Variants in PPP4R3B observed in about 807,000 individuals in gnomAD.
PPP4R3B encodes protein phosphatase 4 regulatory subunit 3B, also known as serine/threonine-protein phosphatase 4 regulatory subunit 3B.
A neutral mutation model predicts 95.4 loss-of-function variants in PPP4R3B; 52 were observed. That is an observed-to-expected ratio of 0.54 (90% confidence interval 0.44 to 0.69). The LOEUF is 0.69. Among genes scored for constraint, PPP4R3B ranks in the 30% least tolerant of loss-of-function variants. The pLI, the probability that PPP4R3B is intolerant of heterozygous loss-of-function variation, is 0.00. For synonymous variants in PPP4R3B, 407 were observed against 343.9 expected (o/e 1.18, Z -2.03); for missense variants, 1,003 against 1,005.9 (o/e 1.00, Z 0.04).
chr2:55,615,551 C>A (rs764143733), intron 1 of PPP4R3B, 45 bp from the exon 2 acceptor site: 5 of 1,384,002 alleles, frequency 3.6e-6, no homozygotes, highest in Non-Finnish European at 5.0e-6. Context: ...AATGATAAAA[C>A]CCTGAATAAA....
chr2:55,576,405 T>A (rs1688667218), intron 11 of PPP4R3B, among the ~76,000 whole-genome samples: 1 of 150,610 alleles, frequency 6.6e-6, no homozygotes, highest in African/African-American at 2.4e-5. Context: ...CAAAATATTT[T>A]TTAACCTTGA....
rs1424327302 is a variant in PPP4R3B, at chr2:55,572,938, G to A, written c.1765+681C>T. Among the ~76,000 whole-genome samples, 5 of 152,076 alleles carry A rather than the reference G, an allele frequency of 3.3e-5. No individual in the cohort carries two copies. In the South Asian group the frequency reaches 1.0e-3, roughly 32 times the overall value. ...ATCTAGAGTAGTATTAGTGGGCTGA[G>A]AAATGTGTTGGTATGATACTGTTTT... On this transcript the variant is annotated intron_variant, in intron 12 of 16. Coordinates refer to ENST00000616407, the MANE Select transcript of PPP4R3B (RefSeq NM_001122964.3).
intron 11 of PPP4R3B, among the ~76,000 whole-genome samples, chr2:55,576,719 A>G (rs763333057): frequency 2.0e-5 from 3 of 152,246 alleles, no homozygotes; most frequent in Non-Finnish European, 2.9e-5. Context: ...ATAAAAAAGA[A>G]AAACAATGAA....
intron 3 of PPP4R3B, among the ~76,000 whole-genome samples, chr2:55,603,690 ATCT>A (rs569006067): frequency 4.6e-4 from 70 of 152,298 alleles, no homozygotes; most frequent in African/African-American, 1.7e-3. Context: ...TAATTACTTA[ATCT>A]TCTTTTGGTT....
chr2:55,585,752 G>C (rs566765329), intron 6 of PPP4R3B, among the ~76,000 whole-genome samples: 1 of 152,148 alleles, frequency 6.6e-6, no homozygotes. Context: ...AAACCTTGAG[G>C]TGATTCTGAA....
chr2:55,561,107 C>A (rs1267294108), intron 15 of PPP4R3B, among the ~76,000 whole-genome samples: 2 of 152,136 alleles, frequency 1.3e-5, no homozygotes, highest in Non-Finnish European at 2.9e-5. Flanking sequence ...TTGGGACACC[C>A]TGCATCCCAG....
chr2:55,579,570 C>T (rs187667021), intron 9 of PPP4R3B, 109 bp downstream of exon 9: 2 of 610,788 alleles, frequency 3.3e-6, no homozygotes, highest in East Asian at 3.2e-5. Context: ...GTTTTTCAGT[C>T]GTAATCTCCC....
chr2:55,594,053 C>T (rs568053163), intron 4 of PPP4R3B, among the ~76,000 whole-genome samples: 3 of 152,206 alleles, frequency 2.0e-5, no homozygotes, highest in East Asian at 1.9e-4. Flanking sequence ...CCTAAGTGAA[C>T]TCAGAGGCAG....
At chr2:55,554,351 G>A (rs1685583225) in intron 16 of PPP4R3B, among the ~76,000 whole-genome samples, 1 of 152,186 alleles carries the variant, frequency 6.6e-6, no homozygotes, top group Non-Finnish European at 1.5e-5. Flanking sequence ...TATGCACCAG[G>A]CCTGTTGTGC....
At chr2:55,604,982 G>A (rs992149684) in intron 2 of PPP4R3B, among the ~76,000 whole-genome samples, 2 of 151,894 alleles carry the variant, frequency 1.3e-5, no homozygotes, top group South Asian at 2.1e-4. Context: ...TGGGACTACA[G>A]GTGCACACAC....
chr2:55,608,736 G>A (rs891026281), intron 2 of PPP4R3B, among the ~76,000 whole-genome samples: 3 of 152,174 alleles, frequency 2.0e-5, no homozygotes, highest in Admixed American at 2.0e-4. Context: ...TGTAATCCCA[G>A]CACTTTTGGA....
chr2:55,562,024 T>G (rs145263814), intron 15 of PPP4R3B, among the ~76,000 whole-genome samples: 115 of 152,300 alleles, frequency 7.6e-4, no homozygotes, highest in African/African-American at 2.5e-3. Flanking sequence ...CATTGTGAAT[T>G]GTAATCCCCA....
chr2:55,578,430 A>C (rs996397473), intron 9 of PPP4R3B, 88 bp from the exon 10 acceptor site: 31 of 1,147,114 alleles, frequency 2.7e-5, no homozygotes, highest in Non-Finnish European at 3.3e-5. Context: ...TATTTCTGTA[A>C]GCTGGAAGTG....
chr2:55,598,623 A>G lies in PPP4R3B; in HGVS notation c.714T>C (p.His238=), dbSNP rs763213319. 6.2e-7 allele frequency: 1 copy of G among 1,614,148 alleles called. No homozygotes were observed. The highest frequency in any genetic ancestry group is 1.1e-5 in the South Asian group (1 of 91,086). Reference sequence around the variant, plus strand: ...TTGCAGTTTTGGTCAAGAATTCTCTATGTCTTTTTGGCTGAGCCAAAGCAG... The same window carrying G: ...TTGCAGTTTTGGTCAAGAATTCTCTGTGTCTTTTTGGCTGAGCCAAAGCAG... ...YDPALAQPKR[H]REFLTKTAKF... Residue 238 remains histidine (H), a synonymous_variant, in exon 4 of 17, where the codon CAT becomes CAC. Coordinates refer to ENST00000616407, the MANE Select transcript of PPP4R3B (RefSeq NM_001122964.3).
intron 12 of PPP4R3B, 102 bp downstream of exon 12, chr2:55,573,517 A>G (rs980557123): frequency 5.6e-6 from 6 of 1,076,776 alleles, no homozygotes; most frequent in African/African-American, 1.7e-5. Flanking sequence ...TCTCACAATC[A>G]TCTCATTCAT....
rs12477185 is a variant in PPP4R3B, at chr2:55,549,509, T to A, written c.*402A>T. On this transcript the variant is annotated 3_prime_UTR_variant, in exon 17 of 17. Coordinates refer to ENST00000616407, the MANE Select transcript of PPP4R3B (RefSeq NM_001122964.3). ...AACAACAACATGGCCAGCACCATTA[T>A]ACAAGTAATGTTATTGAGTTTACAA... is the stretch of plus-strand genomic sequence containing the variant. 22 of 162,130 alleles carry A rather than the reference T, an allele frequency of 1.4e-4. No homozygotes were observed. The South Asian group carries it at 1.8e-3, about 13-fold the overall frequency. The allele number at this position is 162,130 out of a possible 1,614,324, so 10.0% of individuals were successfully genotyped here.
Position 55,558,385 on chromosome 2 carries a change from G to A in PPP4R3B, c.2454+390C>T, listed in dbSNP as rs913877209. ...TTCTCTTTGAGAGGCCGAGGTGGGC[G>A]GAACATGAGGTCAAGAGATCGAGAC... On this transcript the variant is annotated intron_variant, in intron 16 of 16. Transcript: ENST00000616407. Among the ~76,000 whole-genome samples, 21 of 152,156 alleles carry A rather than the reference G, an allele frequency of 1.4e-4. No individual in the cohort carries two copies. In the East Asian group the frequency reaches 3.9e-3, roughly 28 times the overall value.
At position 55,600,426 on chromosome 2, in the gene PPP4R3B, CAAAAAAAAAA is replaced by C. The variant is rs60764774; in HGVS notation, c.298-1397_298-1388del. Reference sequence around the variant, plus strand: ...GGGCAACGAGAGTGAAACTCTGTCTCAAAAAAAAAAAAAAAAAAAAAAAAAAAAAAGGCGG... The same window carrying C: ...GGGCAACGAGAGTGAAACTCTGTCTCAAAAAAAAAAAAAAAAAAAAGGCGG... On this transcript the variant is annotated intron_variant, in intron 3 of 16. Coordinates refer to ENST00000616407, the MANE Select transcript of PPP4R3B (RefSeq NM_001122964.3). 3.4e-3 allele frequency among the ~76,000 whole-genome samples: 76 copies of C among 22,192 alleles called. 1 individual carries two copies. Among genetic ancestry groups the C allele is most frequent in the African/African-American group, 0.011 (67 of 6,208 alleles). 14.6% of individuals were successfully genotyped at this position (22,192 alleles called of 152,430 possible). A position where few individuals can be genotyped will look rare whatever the true frequency, so the allele number is the denominator to read the frequency against.
intron 2 of PPP4R3B, among the ~76,000 whole-genome samples, chr2:55,611,796 A>G (rs561285311): frequency 6.6e-6 from 1 of 152,198 alleles, no homozygotes; most frequent in East Asian, 1.9e-4. Flanking sequence ...TGGTACAATC[A>G]TGGCTTACTA....
Sources: gnomAD v4.1 joint callset for allele counts (sites outside exome capture counted in the v4.1 genomes callset) on GRCh38, gnomAD v4.1.1 for gene constraint, MANE v1.5 for transcripts, NCBI Gene and HGNC (gene_info 2026-07-23, HGNC 2026-07-21) for gene names.